PLCB4: variants seen among roughly 807,000 people sequenced by gnomAD.
The protein encoded by PLCB4 is phospholipase C beta 4.
In PLCB4, 77 loss-of-function variants were observed where a neutral mutation model predicts 178.8. The observed-to-expected ratio is 0.43, with a 90% CI of 0.36 to 0.52. The LOEUF (loss-of-function observed/expected upper bound fraction) is 0.52, where lower values mean the gene tolerates loss of function less well. Ranked by LOEUF, PLCB4 falls within the 20% of genes least tolerant of loss-of-function variation. The pLI is 0.00. For synonymous variants in PLCB4, 496 were observed against 490.8 expected (o/e 1.01, Z -0.14); for missense variants, 1,024 against 1,453.4 (o/e 0.70, Z 4.80).
At chr20:9,390,145 G>A (rs898428595) in intron 16 of PLCB4, among the ~76,000 whole-genome samples, 187 bp downstream of exon 16, 1 of 152,042 alleles carries the variant, frequency 6.6e-6, no homozygotes, top group Non-Finnish European at 1.5e-5. Flanking sequence ...AGGAAAAAAC[G>A]ACAAAAAACC....
chr20:9,080,871 A>C (rs1002934830), intron 1 of PLCB4, among the ~76,000 whole-genome samples: 6 of 152,282 alleles, frequency 3.9e-5, no homozygotes, highest in Middle Eastern at 3.4e-3. Context: ...CTTCACTCCA[A>C]ACTTGTGTCT....
At chr20:9,387,911 T>C (rs1329840549) in intron 15 of PLCB4, among the ~76,000 whole-genome samples, 1 of 152,202 alleles carries the variant, frequency 6.6e-6, no homozygotes, top group Non-Finnish European at 1.5e-5. Context: ...ATAAATAGAA[T>C]ACAGGAATAA....
intron 32 of PLCB4, among the ~76,000 whole-genome samples, chr20:9,445,594 G>A (rs1312471894): frequency 1.3e-5 from 2 of 152,142 alleles, no homozygotes; most frequent in Non-Finnish European, 2.9e-5. Context: ...TCCTAGTAAT[G>A]TTCCCTGTAT....
intron 2 of PLCB4, among the ~76,000 whole-genome samples, chr20:9,133,443 T>G (rs1451628382): frequency 9.3e-5 from 4 of 43,006 alleles, no homozygotes; most frequent in Non-Finnish European, 1.5e-4. Flanking sequence ...AATTTTTGCA[T>G]TTTTACTAGA....
At chr20:9,434,590 G>T (rs1053041166) in intron 28 of PLCB4, among the ~76,000 whole-genome samples, 8 of 152,102 alleles carry the variant, frequency 5.3e-5, no homozygotes, top group Admixed American at 2.6e-4. Context: ...TGCCTAGGCT[G>T]GTCTTGAACT....
In PLCB4 at chr20:9,242,808, G is replaced by T. The variant is rs561453899; in HGVS notation, c.-16+25356G>T. 1.1e-4 allele frequency among the ~76,000 whole-genome samples: 17 copies of T among 152,238 alleles called. No homozygotes were observed. The South Asian group carries it at 3.5e-3, about 32-fold the overall frequency. On this transcript the variant is annotated intron_variant, in intron 3 of 39. Transcript: ENST00000378473. ...AATGCAGATTCTCAGGCTCACCCCAGACCCATGGAATCAGAAACTGTAGGA... is the reference window on the plus strand; with the variant it reads ...AATGCAGATTCTCAGGCTCACCCCATACCCATGGAATCAGAAACTGTAGGA...
chr20:9,320,262 A>G (rs2094945196), intron 4 of PLCB4, among the ~76,000 whole-genome samples: 1 of 152,178 alleles, frequency 6.6e-6, no homozygotes, highest in Admixed American at 6.5e-5. Context: ...TTTAGACTAT[A>G]TAGGGTAACT....
At position 9,334,176 on chromosome 20, in the gene PLCB4, G is replaced by A. The variant is rs1279840726; in HGVS notation, c.85-2950G>A. Among the ~76,000 whole-genome samples, 3 of 152,116 alleles carry A rather than the reference G, an allele frequency of 2.0e-5. No homozygotes were observed. In the South Asian group the frequency reaches 6.2e-4, roughly 32 times the overall value. ...AGGAAAAGGCGGGAAATTAGACTAA[G>A]GTAATGGAGCACAACCAGGATTGGA... is the stretch of plus-strand genomic sequence containing the variant. On this transcript the variant is annotated intron_variant, in intron 4 of 39. Transcript: ENST00000378473.
chr20:9,406,894 C>CA (rs1568756146), intron 21 of PLCB4, among the ~76,000 whole-genome samples: 1 of 152,160 alleles, frequency 6.6e-6, no homozygotes, highest in South Asian at 2.1e-4. Flanking sequence ...AAGTTCTCAG[C>CA]AAAAATATTG....
intron 3 of PLCB4, among the ~76,000 whole-genome samples, chr20:9,228,530 C>T (rs2093894156): frequency 6.6e-6 from 1 of 151,996 alleles, no homozygotes. Context: ...GAGATTGTTC[C>T]TGGGGGTTAG....
At chr20:9,272,358 C>G (rs1157447039) in intron 3 of PLCB4, among the ~76,000 whole-genome samples, 4 of 151,996 alleles carry the variant, frequency 2.6e-5, no homozygotes, top group African/African-American at 9.7e-5. Context: ...ATTACATGTG[C>G]TTTAGTAGTC....
chr20:9,302,450 T>G (rs533742904), intron 3 of PLCB4, among the ~76,000 whole-genome samples: 2 of 152,222 alleles, frequency 1.3e-5, no homozygotes, highest in African/African-American at 4.8e-5. Flanking sequence ...ACCCAGCTAG[T>G]GCCCCTGATG....
At chr20:9,192,452 T>C (rs2147144817) in intron 2 of PLCB4, among the ~76,000 whole-genome samples, 1 of 152,126 alleles carries the variant, frequency 6.6e-6, no homozygotes, top group African/African-American at 2.4e-5. Flanking sequence ...TTGCACAGGG[T>C]TCTAGACTCA....
At position 9,372,395 on chromosome 20, in the gene PLCB4, C is replaced by CA; in HGVS notation, c.685dup (p.Ile229AsnfsTer7). On this transcript the variant is annotated frameshift_variant, in exon 11 of 40. Transcript: ENST00000378473. LOFTEE classifies it high-confidence loss of function. ...CTCGGACAGATATAGAAGATCTTTTCAAAAAAATGTAAGTTCCACTTATGA... is the reference window on the plus strand; with the variant it reads ...CTCGGACAGATATAGAAGATCTTTTCAAAAAAAATGTAAGTTCCACTTATGA... 4 of 1,534,066 alleles carry CA rather than the reference C, an allele frequency of 2.6e-6. No individual in the cohort carries two copies. Among genetic ancestry groups the CA allele is most frequent in the Admixed American group, 1.8e-5 (1 of 55,552 alleles).
chr20:9,425,777 A>G (rs1226918394), intron 28 of PLCB4, among the ~76,000 whole-genome samples: 1 of 152,194 alleles, frequency 6.6e-6, no homozygotes, highest in African/African-American at 2.4e-5. Context: ...AATTTATTCA[A>G]AATTCTCTGG....
intron 3 of PLCB4, among the ~76,000 whole-genome samples, chr20:9,227,833 T>G (rs920818210): frequency 1.3e-5 from 2 of 152,190 alleles, no homozygotes; most frequent in Admixed American, 1.3e-4. Flanking sequence ...AGTTTTATTT[T>G]ATAAATAAAA....
At chr20:9,277,285 C>T (rs942659947) in intron 3 of PLCB4, among the ~76,000 whole-genome samples, 1 of 152,050 alleles carries the variant, frequency 6.6e-6, no homozygotes, top group Non-Finnish European at 1.5e-5. Flanking sequence ...AAAGCATGAG[C>T]TGTTTCCATA....
intron 3 of PLCB4, among the ~76,000 whole-genome samples, chr20:9,305,467 A>G (rs912904214): frequency 3.9e-5 from 6 of 151,958 alleles, no homozygotes; most frequent in Admixed American, 6.6e-5. Context: ...CAACCACTTC[A>G]CTGGCCACAA....
At chr20:9,106,745 A>C (rs1291859773) in intron 2 of PLCB4, among the ~76,000 whole-genome samples, 1 of 152,184 alleles carries the variant, frequency 6.6e-6, no homozygotes, top group Non-Finnish European at 1.5e-5. Context: ...AAACTGGGTC[A>C]GACTTTGTGA....
Sources: gnomAD v4.1 joint callset for allele counts (sites outside exome capture counted in the v4.1 genomes callset) on GRCh38, gnomAD v4.1.1 for gene constraint, MANE v1.5 for transcripts, NCBI Gene and HGNC (gene_info 2026-07-23, HGNC 2026-07-21) for gene names.